LAMB4: variants seen among roughly 807,000 people sequenced by gnomAD.
LAMB4 encodes the protein laminin subunit beta-4.
In LAMB4, 196 loss-of-function variants were observed where a neutral mutation model predicts 199.2. The observed-to-expected ratio is 0.98, with a 90% CI of 0.88 to 1.11. LAMB4 has a LOEUF of 1.11. Ranked by LOEUF, LAMB4 falls within the 50% of genes least tolerant of loss-of-function variation. LAMB4 has a pLI of 0.00. For synonymous variants in LAMB4, 744 were observed against 770.6 expected (o/e 0.97, Z 0.57); for missense variants, 2,080 against 2,171.2 (o/e 0.96, Z 0.83).
At chr7:108,125,938 G>C (rs758256569) in intron 1 of LAMB4, among the ~76,000 whole-genome samples, 9 of 152,170 alleles carry the variant, frequency 5.9e-5, no homozygotes, top group Non-Finnish European at 1.3e-4. Context: ...AAGACTACTG[G>C]ACTTCCCAGT....
chr7:108,084,980 C>A (rs2037114106), intron 14 of LAMB4, among the ~76,000 whole-genome samples: 1 of 151,750 alleles, frequency 6.6e-6, no homozygotes, highest in Non-Finnish European at 1.5e-5. Context: ...CTCAAGTAAT[C>A]CTCCCATCTC....
intron 33 of LAMB4, among the ~76,000 whole-genome samples, chr7:108,028,402 C>A (rs1265039248): frequency 6.6e-6 from 1 of 151,078 alleles, no homozygotes; most frequent in Non-Finnish European, 1.5e-5. Flanking sequence ...GTAGTACCTT[C>A]TAGGATGACA....
chr7:108,028,734 C>T (rs2034926117), intron 33 of LAMB4, among the ~76,000 whole-genome samples: 1 of 152,068 alleles, frequency 6.6e-6, no homozygotes, highest in African/African-American at 2.4e-5. Context: ...GCCTTGGCCT[C>T]CCAAAATGCT....
At chr7:108,073,809 C>G (rs990121141) in intron 17 of LAMB4, among the ~76,000 whole-genome samples, 4 of 152,154 alleles carry the variant, frequency 2.6e-5, no homozygotes, top group Non-Finnish European at 5.9e-5. Context: ...CTGTAGTTGC[C>G]CGCCCTAGGT....
At position 108,105,958 on chromosome 7, in the gene LAMB4, C is replaced by T. The variant is rs1474221230; in HGVS notation, c.729G>A (p.Arg243=). 1 of 1,614,222 alleles carries T rather than the reference C, an allele frequency of 6.2e-7. No homozygotes were observed. Among genetic ancestry groups the T allele is most frequent in the Admixed American group, 1.7e-5 (1 of 60,030 alleles). ...ATTTATCAAGGGAATCATTTTGCCT[C>T]CTTCCAAGCAAAGCATCCCCAAGGG... is the stretch of plus-strand genomic sequence containing the variant. ...LHTLGDALLG[R]RQNDSLDKYY... The change falls in exon 8 of 34, where the codon AGG becomes AGA. Residue 243 remains arginine, a synonymous_variant. Coordinates refer to ENST00000388781, the MANE Select transcript of LAMB4 (RefSeq NM_007356.3).
At chr7:108,015,018 G>A in the LAMB4 span, among the ~76,000 whole-genome samples, 2 of 152,034 alleles carry the variant, frequency 1.3e-5, no homozygotes, top group African/African-American at 4.8e-5. Context: ...CACTGCGCCC[G>A]GCCTAGAACT....
At chr7:108,048,158 CTTTTTTT>C (rs747991620) in intron 27 of LAMB4, 47 bp from the exon 28 acceptor site, 130 of 463,120 alleles carry the variant, frequency 2.8e-4, no homozygotes, top group African/African-American at 7.7e-4. Flanking sequence ...GTTGTCAGAG[CTTTTTTT>C]TTTTTTTTTT....
At chr7:108,023,321 CAG>C (rs1268701860), downstream of LAMB4, among the ~76,000 whole-genome samples, 1 of 152,200 alleles carries the variant, frequency 6.6e-6, no homozygotes, top group African/African-American at 2.4e-5. Flanking sequence ...AGTATGAAAT[CAG>C]ACTCATTTTG....
chr7:108,069,159 TCCCTTAGGTGACATTTGA>T (rs2036446207), intron 18 of LAMB4, among the ~76,000 whole-genome samples: 1 of 152,222 alleles, frequency 6.6e-6, no homozygotes, highest in South Asian at 2.1e-4. Context: ...GATGATTTTG[TCCCTTAGGTGACATTTGA>T]CAAAGTTTGG....
intron 20 of LAMB4, 39 bp from the exon 21 acceptor site, chr7:108,065,958 A>T: frequency 1.3e-6 from 2 of 1,587,016 alleles, no homozygotes; most frequent in Non-Finnish European, 8.6e-7. Flanking sequence ...TGTTTCCAGG[A>T]AAAGATCACA....
intron 2 of LAMB4, 109 bp from the exon 3 acceptor site, chr7:108,116,270 A>G: frequency 9.3e-7 from 1 of 1,072,876 alleles, no homozygotes; most frequent in Non-Finnish European, 1.3e-6. Flanking sequence ...AATATTGGCC[A>G]AAGATGTATC....
chr7:108,094,675 C>G (rs1054822730), intron 12 of LAMB4, among the ~76,000 whole-genome samples: 1 of 151,492 alleles, frequency 6.6e-6, no homozygotes, highest in Non-Finnish European at 1.5e-5. Context: ...TCATGCATTT[C>G]TTATGGAGTG....
At chr7:108,036,830 G>A (rs539648945) in intron 30 of LAMB4, among the ~76,000 whole-genome samples, 18 of 150,230 alleles carry the variant, frequency 1.2e-4, no homozygotes, top group South Asian at 6.5e-4. Flanking sequence ...TCTAGTGTCC[G>A]TTCTGTTCCT....
rs758080659 is a variant in LAMB4 at position 108,055,960 on chromosome 7, C to G, written c.3427G>C (p.Asp1143His). The stretch of plus-strand genomic sequence containing the variant: ...TCCCGGCAGCGGCACATGCCTGTGT[C>G]TGGATCACAGATGGGCTTCTGGGTA... ...AGTQKPICDP[D>H]TGMCRCREGV... Residue 1143 changes from aspartate to histidine, a missense_variant, in exon 25 of 34, where the codon GAC (aspartate) becomes CAC (histidine). By Grantham distance (81) the Asp-to-His change is moderately conservative. Transcript: ENST00000388781. 6.2e-7 allele frequency: 1 copy of G among 1,614,124 alleles called. No individual in the cohort carries two copies. Among genetic ancestry groups the G allele is most frequent in the South Asian group, 1.1e-5 (1 of 91,052 alleles).
chr7:108,097,150 G>A (rs1011148102), intron 11 of LAMB4, among the ~76,000 whole-genome samples: 2 of 152,078 alleles, frequency 1.3e-5, no homozygotes, highest in African/African-American at 4.8e-5. Context: ...CTTAAGAAGA[G>A]CGTTTTATTA....
At chr7:108,078,640 C>A (rs377576149) in intron 15 of LAMB4, among the ~76,000 whole-genome samples, 1 of 152,050 alleles carries the variant, frequency 6.6e-6, no homozygotes, top group Non-Finnish European at 1.5e-5. Context: ...GATCACAGAA[C>A]AAATAATAAT....
intron 4 of LAMB4, 93 bp downstream of exon 4, chr7:108,111,718 C>T: frequency 1.8e-6 from 2 of 1,106,332 alleles, no homozygotes; most frequent in Non-Finnish European, 2.7e-6. Flanking sequence ...CAATATAATA[C>T]TTTGCTGTGA....
chr7:108,023,923 G>A lies in LAMB4; in HGVS notation c.*116C>T. 3.7e-6 allele frequency: 3 copies of A among 814,474 alleles called. No individual in the cohort carries two copies. The highest frequency in any genetic ancestry group is 3.7e-6 in the Non-Finnish European group (2 of 547,046). 50.5% of individuals were successfully genotyped at this position (814,474 alleles called of 1,614,324 possible). A position where few individuals can be genotyped will look rare whatever the true frequency, so the allele number is the denominator to read the frequency against. ...TGAGCAGGTGTCTAATAAGGACAGGGTGTGGGGAAGGAAGGTAGAAGACAT... is the reference window on the plus strand; with the variant it reads ...TGAGCAGGTGTCTAATAAGGACAGGATGTGGGGAAGGAAGGTAGAAGACAT... On this transcript the variant is annotated 3_prime_UTR_variant, in exon 34 of 34. Transcript: ENST00000388781.
intron 31 of LAMB4, among the ~76,000 whole-genome samples, chr7:108,031,783 A>G (rs1470711951): frequency 1.3e-5 from 2 of 152,162 alleles, no homozygotes; most frequent in South Asian, 4.2e-4. Flanking sequence ...ACATACAACA[A>G]TGTATTTTCT....
Sources: allele counts gnomAD v4.1 joint callset (sites outside exome capture counted in the v4.1 genomes callset), GRCh38; gene constraint gnomAD v4.1.1; transcripts MANE v1.5; gene names NCBI Gene and HGNC (gene_info 2026-07-23, HGNC 2026-07-21).